The following PREX2 variants were observed in gnomAD, a reference collection of about 807,000 sequenced individuals.
PREX2 encodes the protein phosphatidylinositol 3,4,5-trisphosphate-dependent Rac exchanger 2 protein.
Under a neutral mutation model 203.2 loss-of-function variants are expected in PREX2, and 107 were observed. The observed-to-expected ratio is 0.53, with a 90% confidence interval of 0.45 to 0.62. The LOEUF (loss-of-function observed/expected upper bound fraction) is 0.62, where lower values mean the gene tolerates loss of function less well. Ranked by LOEUF, PREX2 falls within the 20% of genes least tolerant of loss-of-function variation. PREX2 has a pLI of 0.00. For missense variants in PREX2, 1,777 were observed against 1,955.9 expected, an observed-to-expected ratio of 0.91 and a Z score of 1.72; for synonymous variants, 672 against 663.6, an observed-to-expected ratio of 1.01 and a Z score of -0.19.
chr8:68,204,543 A>G (rs1444680753), intron 37 of PREX2, among the ~76,000 whole-genome samples: 4 of 151,950 alleles, frequency 2.6e-5, no homozygotes, highest in East Asian at 1.9e-4. Context: ...TATTCAATCA[A>G]GTTCTCTGTC....
intron 35 of PREX2, among the ~76,000 whole-genome samples, chr8:68,160,456 C>T (rs1290090960): frequency 6.6e-6 from 1 of 152,022 alleles, no homozygotes; most frequent in African/African-American, 2.4e-5. Context: ...TTAGAAAGCT[C>T]ATATAATTTT....
In PREX2 at chr8:68,080,781, A is replaced by G. The variant is rs1809496676; in HGVS notation, c.1821A>G (p.Leu607=). The G allele has an allele frequency of 6.4e-7, 1 of 1,565,382 alleles. No individual in the cohort carries two copies. Among genetic ancestry groups the G allele is most frequent in the African/African-American group, 1.4e-5 (1 of 73,632 alleles). Residue 607 remains leucine, a synonymous_variant, in exon 17 of 40, where the codon TTA becomes TTG. Transcript: ENST00000288368. ...ATGAAGGCAGCTATGGCTTTGGATT[A>G]GAAGACAAAAATAAAGTTCCAATAA... The part of the protein sequence containing the change: ...KSNEGSYGFG[L]EDKNKVPIIK...
At position 68,224,571 on chromosome 8, in the gene PREX2, C is replaced by T. The variant is rs973700453; in HGVS notation, c.4720C>T (p.Gln1574Ter). 6.2e-7 allele frequency: 1 copy of T among 1,613,754 alleles called. No individual in the cohort carries two copies. Among genetic ancestry groups the T allele is most frequent in the Non-Finnish European group, 8.5e-7 (1 of 1,179,766 alleles). ...TCCTGACTTTCAGGGAGCAAGAGTT[C>T]AGAACACAGCGAAGAATTTGGGAGT... ...DVMRKQGARV[Q>*]NTAKNLGVRD... Residue 1574 changes from glutamine to a stop codon, truncating the protein, a stop_gained, in exon 39 of 40, where the codon CAG becomes TAG. Coordinates refer to ENST00000288368, the MANE Select transcript of PREX2 (RefSeq NM_024870.4). LOFTEE classifies it high-confidence loss of function.
At chr8:68,028,257 A>G (rs1178287625) in intron 5 of PREX2, among the ~76,000 whole-genome samples, 2 of 151,732 alleles carry the variant, frequency 1.3e-5, no homozygotes, top group Non-Finnish European at 1.5e-5. Flanking sequence ...AGGATTATAT[A>G]ATGATAATGA....
At chr8:68,161,797 G>C (rs1279406723) in intron 35 of PREX2, among the ~76,000 whole-genome samples, 1 of 151,754 alleles carries the variant, frequency 6.6e-6, no homozygotes, top group Admixed American at 6.6e-5. Flanking sequence ...GGTAGTTTTA[G>C]TTACACATAC....
At chr8:68,041,881 T>G (rs1808207420) in intron 7 of PREX2, among the ~76,000 whole-genome samples, 1 of 152,102 alleles carries the variant, frequency 6.6e-6, no homozygotes, top group Non-Finnish European at 1.5e-5. Flanking sequence ...ATCATGATAT[T>G]ATATGGTCTT....
intron 10 of PREX2, among the ~76,000 whole-genome samples, chr8:68,060,093 G>A (rs1274066661): frequency 6.6e-6 from 1 of 152,148 alleles, no homozygotes; most frequent in African/African-American, 2.4e-5. Flanking sequence ...ACCTAGATTA[G>A]AATTTAATTG....
At chr8:68,083,715 A>G (rs143392464) in intron 18 of PREX2, among the ~76,000 whole-genome samples, 25 of 152,326 alleles carry the variant, frequency 1.6e-4, no homozygotes, top group African/African-American at 6.0e-4. Flanking sequence ...GTGTTTCTCC[A>G]TGTTCGGCTA....
At chr8:68,230,021 G>A (rs916208766) in intron 39 of PREX2, among the ~76,000 whole-genome samples, 1 of 152,218 alleles carries the variant, frequency 6.6e-6, no homozygotes, top group African/African-American at 2.4e-5. Context: ...TTCAGTATTC[G>A]CCTCTTGCAT....
intron 18 of PREX2, among the ~76,000 whole-genome samples, chr8:68,085,500 A>C (rs1809654695): frequency 6.6e-6 from 1 of 152,214 alleles, no homozygotes; most frequent in Admixed American, 6.5e-5. Flanking sequence ...AAAATATGAG[A>C]GATAAATGCA....
chr8:68,169,201 GA>G (rs1366166028), intron 35 of PREX2, among the ~76,000 whole-genome samples: 14 of 152,206 alleles, frequency 9.2e-5, no homozygotes, highest in African/African-American at 3.4e-4. Context: ...AGAAGAAGAA[GA>G]GAAGGTGAAA....
chr8:68,069,216 A>G (rs1345773532), intron 12 of PREX2, 80 bp downstream of exon 12: 8 of 722,000 alleles, frequency 1.1e-5, no homozygotes, highest in African/African-American at 3.8e-5. Flanking sequence ...GTTGAGAAAC[A>G]TAAAAGATTT....
intron 1 of PREX2, among the ~76,000 whole-genome samples, chr8:67,992,560 T>G (rs193181604): frequency 3.6e-4 from 55 of 152,306 alleles, no homozygotes; most frequent in African/African-American, 1.3e-3. Context: ...ACTAAGGAAT[T>G]ATAAGTGATT....
intron 1 of PREX2, among the ~76,000 whole-genome samples, chr8:67,961,180 A>G (rs919794786): frequency 6.6e-6 from 1 of 151,992 alleles, no homozygotes; most frequent in Non-Finnish European, 1.5e-5. Flanking sequence ...TATACCTGGT[A>G]TTATATTTTC....
chr8:68,148,140 G>A (rs756441930), intron 34 of PREX2, among the ~76,000 whole-genome samples: 35 of 152,134 alleles, frequency 2.3e-4, no homozygotes, highest in Admixed American at 4.6e-4. Flanking sequence ...CCAGCTACTC[G>A]GGAGGCTGAG....
At chr8:68,141,392 A>C (rs1811227306) in intron 33 of PREX2, among the ~76,000 whole-genome samples, 1 of 152,112 alleles carries the variant, frequency 6.6e-6, no homozygotes, top group Non-Finnish European at 1.5e-5. Flanking sequence ...CATGGATGAG[A>C]CATGCATGGT....
chr8:67,983,363 C>T (rs974520298), intron 1 of PREX2, among the ~76,000 whole-genome samples: 24 of 152,206 alleles, frequency 1.6e-4, no homozygotes, highest in Admixed American at 1.4e-3. Flanking sequence ...GAGTGATGTT[C>T]GAATATGTAA....
At chr8:68,173,921 A>G (rs893656097) in intron 35 of PREX2, among the ~76,000 whole-genome samples, 1 of 152,148 alleles carries the variant, frequency 6.6e-6, no homozygotes, top group African/African-American at 2.4e-5. Context: ...AAATAAGCAT[A>G]CCCCAAAAAG....
intron 35 of PREX2, among the ~76,000 whole-genome samples, chr8:68,162,422 A>C (rs1811674751): frequency 6.6e-6 from 1 of 152,132 alleles, no homozygotes; most frequent in Admixed American, 6.6e-5. Context: ...ATTTTAACTT[A>C]CTTAGAAATG....
Sources: allele counts gnomAD v4.1 joint callset (sites outside exome capture counted in the v4.1 genomes callset), GRCh38; gene constraint gnomAD v4.1.1; transcripts MANE v1.5; gene names NCBI Gene and HGNC (gene_info 2026-07-23, HGNC 2026-07-21).